Variants in VOPP1 observed in about 807,000 individuals in gnomAD.
VOPP1 encodes VOPP1 WW domain binding protein.
A neutral mutation model predicts 23.5 loss-of-function variants in VOPP1; 8 were observed. The ratio of observed to expected loss-of-function variants is 0.34; its 90% CI spans 0.20 to 0.61. VOPP1 has a LOEUF of 0.61. Among genes scored for constraint, VOPP1 ranks in the 20% least tolerant of loss-of-function variants. The pLI, the probability that VOPP1 is intolerant of heterozygous loss-of-function variation, is 0.78. For missense variants in VOPP1, 174 were observed against 238.1 expected, an observed-to-expected ratio of 0.73 and a Z score of 1.77; for synonymous variants, 83 against 97.3, an observed-to-expected ratio of 0.85 and a Z score of 0.86.
chr7:55,442,221 C>T (rs914220797), intron 4 of VOPP1, among the ~76,000 whole-genome samples: 4 of 152,072 alleles, frequency 2.6e-5, no homozygotes, highest in African/African-American at 9.7e-5. Context: ...TAGAGAGTTG[C>T]GGGGCAGAGG....
intron 4 of VOPP1, among the ~76,000 whole-genome samples, chr7:55,456,477 T>C (rs534947771): frequency 2.6e-5 from 4 of 152,208 alleles, no homozygotes; most frequent in Non-Finnish European, 4.4e-5. Flanking sequence ...TAAATCATTC[T>C]ACTATAAAGA....
chr7:55,502,866 C>G (rs1425426814), intron 2 of VOPP1, among the ~76,000 whole-genome samples: 1 of 152,200 alleles, frequency 6.6e-6, no homozygotes, highest in Non-Finnish European at 1.5e-5. Context: ...GGTTTTTCAT[C>G]TCGTTCTTCT....
intron 4 of VOPP1, among the ~76,000 whole-genome samples, chr7:55,438,233 G>A (rs760492375): frequency 1.1e-4 from 17 of 152,034 alleles, no homozygotes; most frequent in Admixed American, 3.9e-4. Flanking sequence ...TTATCTCTCC[G>A]AGGATGTTAA....
chr7:55,521,728 ACAGGG>A (rs546941688), intron 1 of VOPP1: 181 of 985,218 alleles, frequency 1.8e-4, no homozygotes, highest in South Asian at 1.2e-3. Context: ...GCCCAGCCCC[ACAGGG>A]CAGGGCAGGG....
intron 2 of VOPP1, among the ~76,000 whole-genome samples, chr7:55,516,467 T>C (rs1234330662): frequency 6.6e-6 from 1 of 152,190 alleles, no homozygotes; most frequent in East Asian, 1.9e-4. Flanking sequence ...AGTAATTTTG[T>C]ATGTCTAGGT....
intron 1 of VOPP1, among the ~76,000 whole-genome samples, chr7:55,549,982 T>C (rs1456909771): frequency 6.6e-6 from 1 of 152,204 alleles, no homozygotes; most frequent in Non-Finnish European, 1.5e-5. Flanking sequence ...CAGTCCCTGG[T>C]CATCCACTTC....
chr7:55,480,030 G>T (rs1792586074), intron 4 of VOPP1, among the ~76,000 whole-genome samples: 1 of 152,222 alleles, frequency 6.6e-6, no homozygotes. Context: ...GGTTGGTTAT[G>T]ATGGTTTACT....
At chr7:55,453,587 TATTG>T (rs1253462411) in intron 4 of VOPP1, among the ~76,000 whole-genome samples, 8 of 152,216 alleles carry the variant, frequency 5.3e-5, no homozygotes, top group African/African-American at 7.2e-5. Context: ...AATACACGTT[TATTG>T]ATTAAGTACA....
At chr7:55,440,353 G>A (rs1790933089) in intron 4 of VOPP1, among the ~76,000 whole-genome samples, 1 of 152,150 alleles carries the variant, frequency 6.6e-6, no homozygotes, top group African/African-American at 2.4e-5. Context: ...CAGGCTCCCA[G>A]CCACCTGTCC....
At chr7:55,537,545 T>A (rs1275469023) in intron 1 of VOPP1, 2 of 1,536,008 alleles carry the variant, frequency 1.3e-6, no homozygotes, top group East Asian at 2.4e-5. Context: ...GGCGCAAGGA[T>A]GCAGGCAGCG....
intron 4 of VOPP1, among the ~76,000 whole-genome samples, chr7:55,449,405 G>T (rs2692606): frequency 6.6e-6 from 1 of 152,172 alleles, no homozygotes; most frequent in African/African-American, 2.4e-5. Context: ...AGGGACACCC[G>T]TCCACCTGCG....
At chr7:55,514,986 C>G (rs1384568347) in intron 2 of VOPP1, among the ~76,000 whole-genome samples, 1 of 152,206 alleles carries the variant, frequency 6.6e-6, no homozygotes. Context: ...CTGTGTAACA[C>G]ACTTGCACCT....
chr7:55,453,742 T>G (rs902589383), intron 4 of VOPP1, among the ~76,000 whole-genome samples: 1 of 152,130 alleles, frequency 6.6e-6, no homozygotes, highest in Non-Finnish European at 1.5e-5. Context: ...GACATAGAGA[T>G]AAAAAGTGAG....
chr7:55,479,055 A>G (rs975481532), intron 4 of VOPP1, among the ~76,000 whole-genome samples: 156 of 152,296 alleles, frequency 1.0e-3, no homozygotes, highest in African/African-American at 3.6e-3. Context: ...TTCTATCGTA[A>G]GAGACAATTC....
chr7:55,491,857 A>G (rs1793593329), intron 4 of VOPP1, among the ~76,000 whole-genome samples: 1 of 152,228 alleles, frequency 6.6e-6, no homozygotes. Context: ...ACATGAGAAA[A>G]CAAAACAAAT....
Position 55,526,544 on chromosome 7 carries a change from AG to A in VOPP1, c.55-5415del, listed in dbSNP as rs1175639167. ...CACAGGCAGGCACAGCTGACTTGGC[AG>A]GAACTGAAGCTCGTGACTCTGGGAC... is the stretch of plus-strand genomic sequence containing the variant. On this transcript the variant is annotated intron_variant, in intron 1 of 4. Coordinates refer to ENST00000285279, the MANE Select transcript of VOPP1 (RefSeq NM_030796.5). 2.0e-5 allele frequency among the ~76,000 whole-genome samples: 3 copies of A among 152,208 alleles called. No homozygotes were observed. In the East Asian group the frequency reaches 5.8e-4, roughly 29 times the overall value.
chr7:55,464,954 G>A (rs2129004540), intron 4 of VOPP1, among the ~76,000 whole-genome samples: 1 of 152,320 alleles, frequency 6.6e-6, no homozygotes, highest in South Asian at 2.1e-4. Flanking sequence ...AAGAGTCAGT[G>A]TGGCAATGTA....
chr7:55,472,939 G>A lies in VOPP1; in HGVS notation c.435C>T (p.Pro145=), dbSNP rs1180865938. 22 of 1,580,690 alleles carry A rather than the reference G, an allele frequency of 1.4e-5. No individual in the cohort carries two copies. The highest frequency in any genetic ancestry group is 1.9e-5 in the Non-Finnish European group (22 of 1,166,880). ...AMAFQVPPNS[P]QGSVACPPPP... is the part of the protein sequence containing the mutation. ...GGGGCGGGCAGGCCACACTCCCCTG[G>A]GGTGAGTTGGGTGGGACCTGGAAAG... The change falls in exon 5 of 5, where the codon CCC becomes CCT. Residue 145 remains proline (P), a synonymous_variant. Coordinates refer to ENST00000285279, the MANE Select transcript of VOPP1 (RefSeq NM_030796.5).
At chr7:55,554,681 A>G (rs780670792) in intron 1 of VOPP1, among the ~76,000 whole-genome samples, 18 of 152,240 alleles carry the variant, frequency 1.2e-4, no homozygotes, top group Non-Finnish European at 2.5e-4. Flanking sequence ...CTTTGGGGAA[A>G]GGGTGAGCTC....
Sources: gnomAD v4.1 joint callset for allele counts (sites outside exome capture counted in the v4.1 genomes callset) on GRCh38, gnomAD v4.1.1 for gene constraint, MANE v1.5 for transcripts, NCBI Gene and HGNC (gene_info 2026-07-23, HGNC 2026-07-21) for gene names.